The following APAF1 variants were observed in gnomAD, a reference collection of about 807,000 sequenced individuals.
APAF1 encodes apoptotic protease-activating factor 1.
Under a neutral mutation model 152.4 loss-of-function variants are expected in APAF1, and 91 were observed. The ratio of observed to expected loss-of-function variants is 0.60; its 90% CI spans 0.50 to 0.71. The LOEUF is 0.71. APAF1 is among the 30% of genes least tolerant of loss of function. The probability of loss-of-function intolerance (pLI) is 0.00; values close to 1 mark genes in which losing one functional copy is unlikely to be tolerated. For synonymous variants in APAF1, 484 were observed against 494.1 expected (o/e 0.98, Z 0.27); for missense variants, 1,283 against 1,472.0 (o/e 0.87, Z 2.10).
At chr12:98,726,068 G>C (rs943502875) in intron 25 of APAF1, among the ~76,000 whole-genome samples, 1 of 152,080 alleles carries the variant, frequency 6.6e-6, no homozygotes, top group Non-Finnish European at 1.5e-5. Context: ...GGCAGCGAAG[G>C]GCTCCTAATT....
chr12:98,665,772 A>G lies in APAF1; in HGVS notation c.1175A>G (p.Asp392Gly). ...ACAGATCTTTCCATCCTTCAGAAGG[A>G]CGTTAAGGTGCCTACAAAGGTAATG... Reference protein sequence around the residue: ...YYTDLSILQKDVKVPTKVLCI... With the variant: ...YYTDLSILQKGVKVPTKVLCI... Residue 392 changes from aspartate to glycine, a missense_variant, in exon 8 of 27, where the codon GAC becomes GGC. Physicochemically the swap from Asp to Gly is moderately conservative, Grantham distance 94. Transcript: ENST00000551964. 1 of 1,613,342 alleles carries G rather than the reference A, an allele frequency of 6.2e-7. No homozygotes were observed. Among genetic ancestry groups the G allele is most frequent in the Non-Finnish European group, 8.5e-7 (1 of 1,179,324 alleles).
At chr12:98,692,298 T>C (rs1292738656) in intron 16 of APAF1, among the ~76,000 whole-genome samples, 1 of 152,148 alleles carries the variant, frequency 6.6e-6, no homozygotes, top group Non-Finnish European at 1.5e-5. Context: ...TTAGCCAGAA[T>C]GGTCTTGATC....
At chr12:98,715,235 C>CTT (rs1491347587) in intron 21 of APAF1, among the ~76,000 whole-genome samples, 192 bp from the exon 22 acceptor site, 1 of 54,774 alleles carries the variant, frequency 1.8e-5, no homozygotes, top group East Asian at 4.3e-4. Context: ...ACATGGTGTG[C>CTT]ATATATATAT....
chr12:98,723,907 G>T (rs897182673), intron 24 of APAF1, 143 bp downstream of exon 24: 1 of 848,306 alleles, frequency 1.2e-6, no homozygotes. Flanking sequence ...ATGCCCATTG[G>T]CATTTAGTTG....
chr12:98,666,243 G>C lies in APAF1; in HGVS notation c.1248G>C (p.Gln416His). ...METEEVEDIL[Q>H]EFVNKSLLFC... is the part of the protein sequence containing the mutation. ...CTGAAGAAGTTGAAGACATACTGCA[G>C]GAGTTTGTAAATAAGTCTCTTTTAT... is the stretch of plus-strand genomic sequence containing the variant. The change falls in exon 9 of 27, where the codon CAG becomes CAC. Residue 416 changes from glutamine (Q) to histidine (H), a missense_variant. By Grantham distance (24) the Gln-to-His change is conservative (BLOSUM62 0). Coordinates refer to ENST00000551964, the MANE Select transcript of APAF1 (RefSeq NM_181861.2). The C allele has an allele frequency of 6.2e-7, 1 of 1,613,960 alleles. No homozygotes were observed.
rs1265527094 is a variant in APAF1 at position 98,708,836 on chromosome 12, A to G, written c.2841+132A>G. 13 of 820,010 alleles carry G rather than the reference A, an allele frequency of 1.6e-5. No individual in the cohort carries two copies. The East Asian group carries it at 3.5e-4, about 22-fold the overall frequency. The allele number at this position is 820,010 out of a possible 1,614,324, so 50.8% of individuals were successfully genotyped here. On this transcript the variant is annotated intron_variant, in intron 20 of 26. Transcript: ENST00000551964. ...ACAGGTGTCCAGCAGACATTAGTTAAATAAATATATATAAGTCTTGAGCTG... is the reference window on the plus strand; with the variant it reads ...ACAGGTGTCCAGCAGACATTAGTTAGATAAATATATATAAGTCTTGAGCTG...
chr12:98,719,085 C>G (rs1344805839), intron 22 of APAF1, among the ~76,000 whole-genome samples: 1 of 152,158 alleles, frequency 6.6e-6, no homozygotes, highest in Non-Finnish European at 1.5e-5. Context: ...TAGGGTTGTT[C>G]TGGTTAATTT....
chr12:98,648,542 A>G (rs1207826120), intron 2 of APAF1, 45 bp downstream of exon 2: 3 of 1,609,242 alleles, frequency 1.9e-6, no homozygotes, highest in Non-Finnish European at 2.5e-6. Context: ...AAATTTTTAG[A>G]ATTTCAGAAC....
rs1245188922 is a variant in APAF1, at chr12:98,665,273, TATATA to T, written c.956-279_956-275del. Among the ~76,000 whole-genome samples the T allele has an allele frequency of 2.8e-3, 295 of 105,294 alleles. 1 individual carries two copies. Among genetic ancestry groups the T allele is most frequent in the East Asian group, 0.022 (87 of 3,994 alleles). 69.1% of individuals were successfully genotyped at this position (105,294 alleles called of 152,430 possible). On this transcript the variant is annotated intron_variant, in intron 7 of 26. Coordinates refer to ENST00000551964, the MANE Select transcript of APAF1 (RefSeq NM_181861.2). ...ACTGGCGCATATATATATATATATATATATATTTTTTTTTTTTTTTGTAATGACAT... is the reference window on the plus strand; with the variant it reads ...ACTGGCGCATATATATATATATATATTTTTTTTTTTTTTTTGTAATGACAT...
chr12:98,695,657 T>C (rs947805426), intron 16 of APAF1, among the ~76,000 whole-genome samples: 1 of 152,242 alleles, frequency 6.6e-6, no homozygotes, highest in Admixed American at 6.5e-5. Context: ...GTGACCCTTC[T>C]CTCAACTGTG....
At chr12:98,680,188 A>G (rs761720699) in intron 13 of APAF1, 89 bp from the exon 14 acceptor site, 55 of 1,378,414 alleles carry the variant, frequency 4.0e-5, no homozygotes, top group Admixed American at 4.0e-4. Context: ...CAAAATGACA[A>G]TGATTAAACT....
chr12:98,706,375 C>A, intron 18 of APAF1, 110 bp from the exon 19 acceptor site: 1 of 1,040,616 alleles, frequency 9.6e-7, no homozygotes, highest in Non-Finnish European at 1.5e-6. Context: ...TGTTTCTGAG[C>A]AATATTCATT....
rs1254876484 is a variant in APAF1, at chr12:98,727,246, G to A, written c.3530G>A (p.Gly1177Glu). 6.2e-7 allele frequency: 1 copy of A among 1,614,050 alleles called. No homozygotes were observed. Among genetic ancestry groups the A allele is most frequent in the East Asian group, 2.2e-5 (1 of 44,880 alleles). Residue 1177 changes from glycine to glutamate, a missense_variant, in exon 26 of 27, where the codon GGA (glycine) becomes GAA (glutamate). Gly to Glu is a moderately conservative substitution (Grantham distance 98, BLOSUM62 -2). Transcript: ENST00000551964. ...TCAGAAGAAGGAGCTGCTACCCATG[G>A]AGGCTGGGTGACTGACCTTTGCTTT... The part of the protein sequence containing the change: ...PLSEEGAATH[G>E]GWVTDLCFSP...
chr12:98,693,086 A>G (rs2097706127), intron 16 of APAF1, among the ~76,000 whole-genome samples: 1 of 151,726 alleles, frequency 6.6e-6, no homozygotes, highest in African/African-American at 2.4e-5. Flanking sequence ...AACAACACAT[A>G]TATAAAAATT....
chr12:98,710,448 A>G (rs949155533), intron 20 of APAF1, among the ~76,000 whole-genome samples: 1 of 152,152 alleles, frequency 6.6e-6, no homozygotes, highest in Non-Finnish European at 1.5e-5. Context: ...TGAGATAGTG[A>G]TGTCAAGCTA....
chr12:98,671,138 T>G, intron 11 of APAF1, 52 bp downstream of exon 11: 1 of 1,095,116 alleles, frequency 9.1e-7, no homozygotes, highest in South Asian at 1.3e-5. Flanking sequence ...TCATTTTTTT[T>G]TACATTTAAT....
chr12:98,656,267 A>C (rs1389192976), intron 4 of APAF1, among the ~76,000 whole-genome samples: 1 of 152,116 alleles, frequency 6.6e-6, no homozygotes, highest in Non-Finnish European at 1.5e-5. Context: ...ATTCGGAGTA[A>C]ATTTTTCCAA....
intron 16 of APAF1, among the ~76,000 whole-genome samples, chr12:98,698,854 T>A (rs2097712341): frequency 6.6e-6 from 1 of 152,228 alleles, no homozygotes; most frequent in African/African-American, 2.4e-5. Flanking sequence ...GTATTTTGTA[T>A]CTCATTCCTC....
intron 16 of APAF1, among the ~76,000 whole-genome samples, chr12:98,694,814 A>C (rs2097707957): frequency 1.3e-5 from 2 of 151,876 alleles, no homozygotes; most frequent in African/African-American, 2.4e-5. Flanking sequence ...CAACAAGTTG[A>C]ATGGGAATTG....
Sources: allele counts gnomAD v4.1 joint callset (sites outside exome capture counted in the v4.1 genomes callset), GRCh38; gene constraint gnomAD v4.1.1; transcripts MANE v1.5; gene names NCBI Gene and HGNC (gene_info 2026-07-23, HGNC 2026-07-21).